NPAS3: variants seen among roughly 807,000 people sequenced by gnomAD.
NPAS3 encodes the protein neuronal PAS domain protein 3.
NPAS3 carries 14 observed loss-of-function variants against 73.1 expected under a neutral mutation model. The observed-to-expected ratio is 0.19, with a 90% CI of 0.13 to 0.30. The LOEUF (loss-of-function observed/expected upper bound fraction) is 0.30. Ranked by LOEUF, NPAS3 falls within the 10% of genes least tolerant of loss-of-function variation. The pLI, the probability that NPAS3 is intolerant of heterozygous loss-of-function variation, is 1.00. For missense variants in NPAS3, 1,096 were observed against 1,250.0 expected (o/e 0.88, Z 1.86); for synonymous variants, 620 against 541.5 (o/e 1.14, Z -2.01).
chr14:33,675,996 T>C (rs1162677065), intron 5 of NPAS3, among the ~76,000 whole-genome samples: 1 of 149,864 alleles, frequency 6.7e-6, no homozygotes, highest in Non-Finnish European at 1.5e-5. Flanking sequence ...AAAAAAAAAC[T>C]GAGCTTAACA....
chr14:33,001,611 C>T (rs1254148262), intron 1 of NPAS3, among the ~76,000 whole-genome samples: 1 of 152,086 alleles, frequency 6.6e-6, no homozygotes, highest in East Asian at 1.9e-4. Context: ...ATTACCTTAG[C>T]ACGTACCTTG....
chr14:33,779,074 C>T (rs2062904070), intron 9 of NPAS3, among the ~76,000 whole-genome samples: 1 of 152,238 alleles, frequency 6.6e-6, no homozygotes, highest in Non-Finnish European at 1.5e-5. Context: ...GACACAGCAG[C>T]TCTCGAAGAC....
At chr14:33,667,151 A>G (rs1050643478) in intron 5 of NPAS3, among the ~76,000 whole-genome samples, 9 of 152,250 alleles carry the variant, frequency 5.9e-5, no homozygotes, top group Admixed American at 5.9e-4. Context: ...TTTTGTACAA[A>G]GTATTTAAAA....
At chr14:33,578,398 T>C in intron 5 of NPAS3, 1 of 359,192 alleles carries the variant, frequency 2.8e-6, no homozygotes, top group South Asian at 2.1e-5. Context: ...TTCTCCATTT[T>C]GGTCAGGGTG....
At chr14:33,778,645 C>A in intron 9 of NPAS3, 73 bp downstream of exon 9, 1 of 962,054 alleles carries the variant, frequency 1.0e-6, no homozygotes, top group Non-Finnish European at 1.7e-6. Context: ...GGTTTCAGTG[C>A]TGATTTTTCC....
intron 4 of NPAS3, among the ~76,000 whole-genome samples, chr14:33,440,258 C>T (rs1002705109): frequency 1.3e-5 from 2 of 152,108 alleles, no homozygotes. Context: ...AGGTACTTGT[C>T]ACTGGACCAT....
At chr14:33,714,828 G>A (rs1323592259) in intron 6 of NPAS3, among the ~76,000 whole-genome samples, 2 of 152,050 alleles carry the variant, frequency 1.3e-5, no homozygotes. Context: ...ACAAAAGGAT[G>A]GGGCATTCTT....
intron 4 of NPAS3, among the ~76,000 whole-genome samples, chr14:33,483,385 C>T (rs958013885): frequency 2.6e-5 from 4 of 152,232 alleles, no homozygotes; most frequent in East Asian, 3.9e-4. Context: ...CCAAGGATAG[C>T]GTTTCACTAG....
In NPAS3 at chr14:33,605,014, A is replaced by G. The variant is rs182342281; in HGVS notation, c.558+44804A>G. On this transcript the variant is annotated intron_variant, in intron 5 of 11. Transcript: ENST00000356141. ...GTTTGAAAATAAGAAATTAGCATCT[A>G]AAGAAGCTAGAAAAAGAACAAGAAA... Among the ~76,000 whole-genome samples the G allele has an allele frequency of 8.5e-5, 13 of 152,262 alleles. No individual in the cohort carries two copies. The East Asian group carries it at 2.3e-3, about 27-fold the overall frequency.
chr14:33,644,253 T>A (rs1266035453), intron 5 of NPAS3, among the ~76,000 whole-genome samples: 3 of 152,226 alleles, frequency 2.0e-5, no homozygotes, highest in African/African-American at 7.2e-5. Context: ...ATCTCATAAC[T>A]TTTGGCAAAC....
intron 4 of NPAS3, among the ~76,000 whole-genome samples, chr14:33,454,876 T>C (rs2139424448): frequency 6.6e-6 from 1 of 152,244 alleles, no homozygotes. Flanking sequence ...TATAGCCAGA[T>C]TGCCTTTAAC....
rs926920179 is a variant in NPAS3 at position 33,343,469 on chromosome 14, T to C, written c.386-23717T>C. Among the ~76,000 whole-genome samples the C allele has an allele frequency of 2.0e-5, 3 of 152,326 alleles. No individual in the cohort carries two copies. In the South Asian group the frequency reaches 6.2e-4, roughly 32 times the overall value. The stretch of plus-strand genomic sequence containing the variant: ...TTTTCCCCTGTATGATTTCTGTACA[T>C]ACATCACCATCACTCTCTTTTCTGT... On this transcript the variant is annotated intron_variant, in intron 3 of 11. Coordinates refer to ENST00000356141, the Ensembl canonical transcript of NPAS3.
chr14:32,955,021 A>G (rs1211866478), intron 1 of NPAS3, among the ~76,000 whole-genome samples: 1 of 152,144 alleles, frequency 6.6e-6, no homozygotes, highest in African/African-American at 2.4e-5. Context: ...GGGCATTCTT[A>G]TGGTCATAAT....
intron 5 of NPAS3, among the ~76,000 whole-genome samples, chr14:33,588,690 T>G (rs972922329): frequency 3.3e-5 from 5 of 152,226 alleles, no homozygotes; most frequent in African/African-American, 1.2e-4. Flanking sequence ...CTTGGCTCAC[T>G]GCAACCTTCG....
At chr14:33,284,432 G>A (rs1038092787) in intron 3 of NPAS3, among the ~76,000 whole-genome samples, 2 of 152,044 alleles carry the variant, frequency 1.3e-5, no homozygotes, top group Non-Finnish European at 2.9e-5. Context: ...ACACAGATGA[G>A]TAGTGTGTGC....
chr14:33,530,744 T>A (rs2054002850), intron 4 of NPAS3, among the ~76,000 whole-genome samples: 1 of 151,908 alleles, frequency 6.6e-6, no homozygotes, highest in Non-Finnish European at 1.5e-5. Flanking sequence ...TAAAGACAAC[T>A]TGTTCCTCCC....
intron 1 of NPAS3, among the ~76,000 whole-genome samples, chr14:33,040,236 T>G (rs1288577197): frequency 6.6e-6 from 1 of 152,150 alleles, no homozygotes; most frequent in African/African-American, 2.4e-5. Context: ...TTCAAGAGGC[T>G]ATTGAATGGA....
At chr14:33,442,492 T>C (rs1360928221) in intron 4 of NPAS3, among the ~76,000 whole-genome samples, 1 of 152,180 alleles carries the variant, frequency 6.6e-6, no homozygotes, top group Non-Finnish European at 1.5e-5. Flanking sequence ...TATTGAATTG[T>C]AGTTCCCATA....
At chr14:32,940,767 A>G (rs1253081690) in intron 1 of NPAS3, among the ~76,000 whole-genome samples, 2 of 152,240 alleles carry the variant, frequency 1.3e-5, no homozygotes, top group Non-Finnish European at 2.9e-5. Flanking sequence ...TCAGACATCC[A>G]TTCATTTAAA....
Sources: allele counts gnomAD v4.1 joint callset (sites outside exome capture counted in the v4.1 genomes callset), GRCh38; gene constraint gnomAD v4.1.1; transcripts MANE v1.5; gene names NCBI Gene and HGNC (gene_info 2026-07-23, HGNC 2026-07-21).